Variants in TRIQK observed in about 807,000 individuals in gnomAD.
TRIQK encodes the protein triple QxxK/R motif-containing protein.
A neutral mutation model predicts 10.8 loss-of-function variants in TRIQK; 10 were observed. The observed-to-expected ratio is 0.92, with a 90% CI of 0.57 to 1.57. The LOEUF (loss-of-function observed/expected upper bound fraction) is 1.57, where lower values mean the gene tolerates loss of function less well. Ranked by LOEUF, TRIQK falls within the 40% of genes most tolerant of loss-of-function variation. The pLI, the probability that TRIQK is intolerant of heterozygous loss-of-function variation, is 0.00. For missense variants in TRIQK, 107 were observed against 97.7 expected (o/e 1.09, Z -0.40); for synonymous variants, 33 against 33.7 (o/e 0.98, Z 0.07).
At chr8:92,892,622 T>G (rs1816822816) in intron 3 of TRIQK, among the ~76,000 whole-genome samples, 2 of 151,602 alleles carry the variant, frequency 1.3e-5, no homozygotes, top group Admixed American at 6.6e-5. Context: ...TTTTATTTCC[T>G]CTTTTATTTC....
chr8:93,007,919 A>G (rs1813290037), intron 1 of TRIQK, among the ~76,000 whole-genome samples: 1 of 152,208 alleles, frequency 6.6e-6, no homozygotes, highest in Admixed American at 6.5e-5. Flanking sequence ...GACTGGATAA[A>G]GAAAGTGTGG....
At chr8:92,889,585 C>G (rs1425928188) in intron 4 of TRIQK, among the ~76,000 whole-genome samples, 2 of 151,470 alleles carry the variant, frequency 1.3e-5, no homozygotes, top group South Asian at 4.1e-4. Context: ...ATCTTAAGGC[C>G]GATGACAAAC....
At chr8:92,888,909 G>A (rs769160360) in intron 4 of TRIQK, among the ~76,000 whole-genome samples, 7 of 151,338 alleles carry the variant, frequency 4.6e-5, no homozygotes, top group South Asian at 2.1e-4. Flanking sequence ...CTAGAAAACC[G>A]GTATTTGCAT....
At chr8:93,011,727 C>A (rs1813338381) in intron 1 of TRIQK, among the ~76,000 whole-genome samples, 1 of 152,126 alleles carries the variant, frequency 6.6e-6, no homozygotes, top group Admixed American at 6.5e-5. Context: ...TTATACCTTA[C>A]AAACATTTTG....
At chr8:92,905,264 AT>A (rs1239743584) in intron 3 of TRIQK, among the ~76,000 whole-genome samples, 1 of 152,214 alleles carries the variant, frequency 6.6e-6, no homozygotes, top group Non-Finnish European at 1.5e-5. Flanking sequence ...TGAATGAACT[AT>A]ATCAACAGCC....
chr8:93,002,060 A>G (rs990625127), intron 1 of TRIQK, among the ~76,000 whole-genome samples: 2 of 152,160 alleles, frequency 1.3e-5, no homozygotes, highest in Admixed American at 6.5e-5. Context: ...AAAAATTTAA[A>G]CTTTTTTTCA....
At chr8:93,001,367 A>G (rs1240107113) in intron 1 of TRIQK, among the ~76,000 whole-genome samples, 1 of 152,092 alleles carries the variant, frequency 6.6e-6, no homozygotes, top group Non-Finnish European at 1.5e-5. Context: ...AACAATACTC[A>G]AGTATATACC....
At position 92,917,227 on chromosome 8, in the gene TRIQK, A is replaced by G. The variant is rs963850014; in HGVS notation, c.-21-217T>C. Among the ~76,000 whole-genome samples, 5 of 152,182 alleles carry G rather than the reference A, an allele frequency of 3.3e-5. No individual in the cohort carries two copies. In the South Asian group the frequency reaches 8.3e-4, roughly 25 times the overall value. ...ATTTCTCAATCATTTGTTTTTGATA[A>G]CATTCATCTTATCAAGTACTATCAG... On this transcript the variant is annotated intron_variant, in intron 2 of 4. Transcript: ENST00000521988.
chr8:92,977,042 G>A (rs1302580391), intron 1 of TRIQK, among the ~76,000 whole-genome samples: 2 of 151,842 alleles, frequency 1.3e-5, no homozygotes, highest in South Asian at 2.1e-4. Flanking sequence ...GTGAAAAAAT[G>A]TATATTTACC....
intron 4 of TRIQK, 103 bp from the exon 5 acceptor site, chr8:92,886,838 G>T: frequency 1.5e-6 from 1 of 663,822 alleles, no homozygotes; most frequent in Non-Finnish European, 2.5e-6. Context: ...AGTCTAGAAT[G>T]AATAATTTGA....
At chr8:92,951,185 CA>C (rs1471722084) in intron 2 of TRIQK, among the ~76,000 whole-genome samples, 1 of 151,484 alleles carries the variant, frequency 6.6e-6, no homozygotes, top group East Asian at 1.9e-4. Context: ...TTCATGGATG[CA>C]AAACCCTTGA....
intron 2 of TRIQK, among the ~76,000 whole-genome samples, chr8:92,948,709 A>G (rs1210833612): frequency 6.6e-6 from 1 of 152,242 alleles, no homozygotes; most frequent in Admixed American, 6.5e-5. Flanking sequence ...TGCACATAGT[A>G]TATACTCAAT....
chr8:92,890,703 T>C (rs1320459261), intron 4 of TRIQK, among the ~76,000 whole-genome samples: 1 of 151,890 alleles, frequency 6.6e-6, no homozygotes, highest in African/African-American at 2.4e-5. Flanking sequence ...AGGATTTTGT[T>C]ACCCCATATT....
chr8:92,954,681 ACT>A (rs1466210026), intron 1 of TRIQK, 117 bp from the exon 2 acceptor site: 2 of 151,902 alleles, frequency 1.3e-5, no homozygotes, highest in East Asian at 3.9e-4. Context: ...TGGTTTGCTA[ACT>A]CTGTTATTTA....
At chr8:93,013,745 TC>T (rs1278089507) in intron 1 of TRIQK, among the ~76,000 whole-genome samples, 3 of 152,122 alleles carry the variant, frequency 2.0e-5, no homozygotes, top group Admixed American at 1.3e-4. Context: ...CTATGTATTT[TC>T]CCCACAAAAC....
chr8:92,966,136 G>A lies in TRIQK; in HGVS notation c.-310C>T, dbSNP rs1812740120. ...CACCCCTACTCCCAAAGGGTGAGGC[G>A]GAAAAGAGGCGAGGCTCTGCCCCCA... On this transcript the variant is annotated 5_prime_UTR_variant, in exon 1 of 5. Coordinates refer to ENST00000521988, the MANE Select transcript of TRIQK (RefSeq NM_001171797.2). 6.6e-6 allele frequency: 1 copy of A among 152,324 alleles called. No homozygotes were observed. Among genetic ancestry groups the A allele is most frequent in the African/African-American group, 2.4e-5 (1 of 41,468 alleles). The allele number at this position is 152,324 out of a possible 1,614,324, so 9.4% of individuals were successfully genotyped here.
rs1811022587 is a variant in TRIQK, at chr8:92,937,015, G to A, written c.-22+17391C>T. Among the ~76,000 whole-genome samples, 3 of 151,756 alleles carry A rather than the reference G, an allele frequency of 2.0e-5. No individual in the cohort carries two copies. The East Asian group carries it at 5.8e-4, about 29-fold the overall frequency. ...TGTGGCAATACCCAGTAAAATTAAAGATTATGTACCTACAAGAACCATTAA... is the reference window on the plus strand; with the variant it reads ...TGTGGCAATACCCAGTAAAATTAAAAATTATGTACCTACAAGAACCATTAA... On this transcript the variant is annotated intron_variant, in intron 2 of 4. Transcript: ENST00000521988.
intron 2 of TRIQK, among the ~76,000 whole-genome samples, chr8:92,926,090 T>A (rs767208243): frequency 1.3e-5 from 2 of 151,216 alleles, no homozygotes; most frequent in African/African-American, 2.4e-5. Context: ...AAAAAAAAAA[T>A]TGGAAGCAGC....
intron 2 of TRIQK, among the ~76,000 whole-genome samples, chr8:92,924,103 C>A (rs749894998): frequency 6.6e-6 from 1 of 151,864 alleles, no homozygotes; most frequent in African/African-American, 2.4e-5. Flanking sequence ...CTTCGCTAAA[C>A]GTGAAGCTAT....
Sources: allele counts gnomAD v4.1 joint callset (sites outside exome capture counted in the v4.1 genomes callset), GRCh38; gene constraint gnomAD v4.1.1; transcripts MANE v1.5; gene names NCBI Gene and HGNC (gene_info 2026-07-23, HGNC 2026-07-21).